The following GRAMD1C variants were observed in gnomAD, a reference collection of about 807,000 sequenced individuals.
The protein encoded by GRAMD1C is protein Aster-C.
GRAMD1C carries 89 observed loss-of-function variants against 97.8 expected under a neutral mutation model. That is an observed-to-expected ratio of 0.91 (90% confidence interval 0.77 to 1.09). The LOEUF (loss-of-function observed/expected upper bound fraction) is 1.09. GRAMD1C is among the 50% of genes least tolerant of loss of function. The pLI is 0.00. For synonymous variants in GRAMD1C, 256 were observed against 267.0 expected, an observed-to-expected ratio of 0.96 and a Z score of 0.40; for missense variants, 740 against 766.4, an observed-to-expected ratio of 0.97 and a Z score of 0.41.
At chr3:113,888,850 A>G (rs1935608776) in intron 6 of GRAMD1C, among the ~76,000 whole-genome samples, 1 of 152,210 alleles carries the variant, frequency 6.6e-6, no homozygotes, top group South Asian at 2.1e-4. Flanking sequence ...AGCATTTATT[A>G]TTCATAATAG....
Position 113,933,604 on chromosome 3 carries a change from G to A in GRAMD1C, c.1303G>A (p.Val435Met), listed in dbSNP as rs148051584. Residue 435 changes from valine to methionine, a missense_variant, in exon 12 of 18, where the codon GTG becomes ATG. Val to Met is a conservative substitution (Grantham distance 21). Coordinates refer to ENST00000358160, the MANE Select transcript of GRAMD1C (RefSeq NM_017577.5). ...DVPYHDYFYTVNRYCIIRSSK... is the reference protein window; with the variant it reads ...DVPYHDYFYTMNRYCIIRSSK... ...CCCCTACCATGATTACTTCTATACC[G>A]TGAACAGATACTGTATCATCCGATC... 186 of 1,603,740 alleles carry A rather than the reference G, an allele frequency of 1.2e-4. No homozygotes were observed. In the East Asian group the frequency reaches 2.7e-3, roughly 23 times the overall value.
rs369371422 is a variant in GRAMD1C at position 113,933,569 on chromosome 3, C to T, written c.1268C>T (p.Thr423Ile). The T allele has an allele frequency of 1.2e-6, 2 of 1,600,490 alleles. No individual in the cohort carries two copies. Among genetic ancestry groups the T allele is most frequent in the East Asian group, 2.2e-5 (1 of 44,808 alleles). ...RFYLVDSEVL[T>I]HDVPYHDYFY... ...TATTTGGTAGATTCAGAAGTACTGACACATGATGTCCCCTACCATGATTAC... is the reference window on the plus strand; with the variant it reads ...TATTTGGTAGATTCAGAAGTACTGATACATGATGTCCCCTACCATGATTAC... Residue 423 changes from threonine to isoleucine, a missense_variant, in exon 12 of 18, where the codon ACA (threonine) becomes ATA (isoleucine). Coordinates refer to ENST00000358160, the MANE Select transcript of GRAMD1C (RefSeq NM_017577.5).
intron 2 of GRAMD1C, among the ~76,000 whole-genome samples, chr3:113,849,797 G>C (rs1189856667): frequency 2.0e-5 from 3 of 152,268 alleles, no homozygotes; most frequent in South Asian, 4.1e-4. Context: ...CGTTCTCAAT[G>C]AGCTGTTGGG....
At chr3:113,889,199 T>TAA (rs113643968) in intron 6 of GRAMD1C, among the ~76,000 whole-genome samples, 31 of 151,126 alleles carry the variant, frequency 2.1e-4, no homozygotes, top group East Asian at 7.7e-4. Context: ...AAACTCCTTC[T>TAA]AAAAAAAAAC....
intron 6 of GRAMD1C, among the ~76,000 whole-genome samples, chr3:113,899,139 C>T (rs533156366): frequency 7.2e-5 from 11 of 152,204 alleles, no homozygotes; most frequent in East Asian, 1.9e-4. Flanking sequence ...TCTACTATTT[C>T]GCAACTTAAA....
At chr3:113,871,321 A>G (rs1312591515) in intron 3 of GRAMD1C, among the ~76,000 whole-genome samples, 1 of 152,188 alleles carries the variant, frequency 6.6e-6, no homozygotes, top group East Asian at 1.9e-4. Flanking sequence ...ATATATACTC[A>G]TGACAATAAA....
At chr3:113,908,221 C>A (rs1203871824) in intron 8 of GRAMD1C, among the ~76,000 whole-genome samples, 2 of 152,138 alleles carry the variant, frequency 1.3e-5, no homozygotes, top group Non-Finnish European at 2.9e-5. Flanking sequence ...ACTTTTTGTA[C>A]TATTCCACTA....
intron 2 of GRAMD1C, among the ~76,000 whole-genome samples, chr3:113,856,052 TA>T (rs1395545138): frequency 2.0e-5 from 3 of 151,854 alleles, no homozygotes; most frequent in Non-Finnish European, 4.4e-5. Flanking sequence ...CCAGCTAAGC[TA>T]ATTTTTATAT....
intron 2 of GRAMD1C, among the ~76,000 whole-genome samples, chr3:113,857,705 C>G (rs1455820714): frequency 6.6e-6 from 1 of 152,074 alleles, no homozygotes; most frequent in Non-Finnish European, 1.5e-5. Context: ...AGTTTTTAAT[C>G]ACAAATGGAT....
At chr3:113,930,631 A>G in intron 10 of GRAMD1C, 83 bp from the exon 11 acceptor site, 3 of 730,566 alleles carry the variant, frequency 4.1e-6, no homozygotes, top group Non-Finnish European at 4.8e-6. Flanking sequence ...AAATTTTAAT[A>G]ATTCAGAAGC....
At position 113,933,562 on chromosome 3, in the gene GRAMD1C, G is replaced by T. The variant is rs1937515970; in HGVS notation, c.1261G>T (p.Val421Leu). The T allele has an allele frequency of 6.2e-7, 1 of 1,606,040 alleles. No homozygotes were observed. Among genetic ancestry groups the T allele is most frequent in the Non-Finnish European group, 8.5e-7 (1 of 1,172,778 alleles). Residue 421 changes from valine (V) to leucine (L), a missense_variant, in exon 12 of 18, where the codon GTA (valine) becomes TTA (leucine). Val to Leu is a conservative substitution (Grantham distance 32). Coordinates refer to ENST00000358160, the MANE Select transcript of GRAMD1C (RefSeq NM_017577.5). Reference sequence around the variant, plus strand: ...ACGATTTTATTTGGTAGATTCAGAAGTACTGACACATGATGTCCCCTACCA... The same window carrying T: ...ACGATTTTATTTGGTAGATTCAGAATTACTGACACATGATGTCCCCTACCA... Reference protein sequence around the residue: ...EARFYLVDSEVLTHDVPYHDY... With the variant: ...EARFYLVDSELLTHDVPYHDY...
chr3:113,869,666 A>C, intron 3 of GRAMD1C, 75 bp downstream of exon 3: 1 of 709,556 alleles, frequency 1.4e-6, no homozygotes, highest in Non-Finnish European at 2.5e-6. Context: ...CAGTATATGT[A>C]ATAAAATTTA....
chr3:113,913,429 C>CAAAAAAA (rs765510213), intron 9 of GRAMD1C, among the ~76,000 whole-genome samples: 1 of 68,278 alleles, frequency 1.5e-5, no homozygotes, highest in Non-Finnish European at 2.8e-5. Context: ...ACTCTGTCTC[C>CAAAAAAA]AAAAAAAAAA....
chr3:113,880,638 G>A (rs1186438849), intron 5 of GRAMD1C, among the ~76,000 whole-genome samples: 1 of 152,136 alleles, frequency 6.6e-6, no homozygotes, highest in East Asian at 1.9e-4. Context: ...TCTCACATAT[G>A]TATTGGAATT....
intron 2 of GRAMD1C, chr3:113,850,595 C>T: frequency 6.2e-7 from 1 of 1,607,712 alleles, no homozygotes; most frequent in South Asian, 1.1e-5. Flanking sequence ...GCATGGCCTT[C>T]ATGACATGAA....
At chr3:113,919,908 C>T in intron 10 of GRAMD1C, 1 of 653,500 alleles carries the variant, frequency 1.5e-6, no homozygotes, top group African/African-American at 1.8e-5. Flanking sequence ...ACAGAAACAT[C>T]ACCAAATATG....
chr3:113,868,826 A>G (rs964042326), intron 2 of GRAMD1C, among the ~76,000 whole-genome samples: 2 of 152,186 alleles, frequency 1.3e-5, no homozygotes, highest in Non-Finnish European at 2.9e-5. Flanking sequence ...TGTGTTACGC[A>G]CATTGGAGCT....
intron 8 of GRAMD1C, among the ~76,000 whole-genome samples, chr3:113,905,179 A>G (rs895478976): frequency 7.2e-5 from 11 of 152,200 alleles, no homozygotes; most frequent in Non-Finnish European, 1.6e-4. Context: ...ACTTGCAGTC[A>G]TTATTTGATT....
intron 1 of GRAMD1C, among the ~76,000 whole-genome samples, chr3:113,843,935 T>C (rs1382897984): frequency 6.6e-6 from 1 of 152,242 alleles, no homozygotes; most frequent in Non-Finnish European, 1.5e-5. Context: ...TCTTTCCTAC[T>C]GGGCATTGCA....
Sources: gnomAD v4.1 joint callset for allele counts (sites outside exome capture counted in the v4.1 genomes callset) on GRCh38, gnomAD v4.1.1 for gene constraint, MANE v1.5 for transcripts, NCBI Gene and HGNC (gene_info 2026-07-23, HGNC 2026-07-21) for gene names.